Variants in FGF14 observed in about 807,000 individuals in gnomAD.
FGF14 encodes the protein fibroblast growth factor 14, also known as fibroblast growth factor homologous factor 4.
In FGF14, 5 loss-of-function variants were observed where a neutral mutation model predicts 25.5. That is an observed-to-expected ratio of 0.20 (90% confidence interval 0.10 to 0.41). The LOEUF is 0.41. Ranked by LOEUF, FGF14 falls within the 10% of genes least tolerant of loss-of-function variation. The pLI is 1.00. For missense variants in FGF14, 222 were observed against 320.1 expected (o/e 0.69, Z 2.34); for synonymous variants, 138 against 118.3 (o/e 1.17, Z -1.08).
At chr13:101,725,023 T>C (rs981886581) in intron 4 of FGF14, among the ~76,000 whole-genome samples, 1 of 151,982 alleles carries the variant, frequency 6.6e-6, no homozygotes, top group Non-Finnish European at 1.5e-5. Context: ...TTACCTCGGT[T>C]AAATGACATA....
chr13:101,984,150 G>T (rs1386801845), intron 1 of FGF14, among the ~76,000 whole-genome samples: 1 of 152,112 alleles, frequency 6.6e-6, no homozygotes, highest in Non-Finnish European at 1.5e-5. Flanking sequence ...AACTGCTATG[G>T]AATATGCGCT....
chr13:102,116,662 G>C (rs1338383938), intron 1 of FGF14, among the ~76,000 whole-genome samples: 1 of 152,120 alleles, frequency 6.6e-6, no homozygotes, highest in African/African-American at 2.4e-5. Flanking sequence ...CCAGGAACAG[G>C]GGCATGAGGG....
chr13:102,279,701 C>A (rs575961917), intron 1 of FGF14, among the ~76,000 whole-genome samples: 1 of 152,178 alleles, frequency 6.6e-6, no homozygotes, highest in Non-Finnish European at 1.5e-5. Flanking sequence ...GCTTTACTCC[C>A]CTTAAAAAAA....
chr13:102,183,194 A>T (rs1360371619), intron 1 of FGF14, among the ~76,000 whole-genome samples: 1 of 151,960 alleles, frequency 6.6e-6, no homozygotes, highest in African/African-American at 2.4e-5. Flanking sequence ...ATTTGCCTAT[A>T]AAAAAAAGAC....
At chr13:101,890,262 ACTTT>A (rs955856691) in intron 1 of FGF14, among the ~76,000 whole-genome samples, 3 of 152,022 alleles carry the variant, frequency 2.0e-5, no homozygotes, top group Admixed American at 6.6e-5. Context: ...TTGTCTCATG[ACTTT>A]CTTTCTTTCT....
chr13:101,961,402 A>G (rs763797071), intron 1 of FGF14, among the ~76,000 whole-genome samples: 1 of 152,200 alleles, frequency 6.6e-6, no homozygotes, highest in African/African-American at 2.4e-5. Context: ...AATTTTCTGC[A>G]AAAGTCTAGT....
chr13:102,143,515 T>A (rs2046732509), intron 1 of FGF14, among the ~76,000 whole-genome samples: 1 of 152,172 alleles, frequency 6.6e-6, no homozygotes, highest in Non-Finnish European at 1.5e-5. Context: ...ACTAAAATAT[T>A]GCCAATTCAT....
intron 3 of FGF14, among the ~76,000 whole-genome samples, chr13:101,748,230 A>G (rs774157018): frequency 3.9e-5 from 6 of 152,070 alleles, no homozygotes; most frequent in Non-Finnish European, 8.8e-5. Context: ...AGTGTCCATC[A>G]ACAGATGATT....
Position 102,132,900 on chromosome 13 carries a change from G to A in FGF14, c.209-257604C>T, listed in dbSNP as rs139050655. Among the ~76,000 whole-genome samples the A allele has an allele frequency of 4.5e-3, 679 of 152,290 alleles. 4 individuals carry two copies. The highest frequency in any genetic ancestry group is 0.016 in the African/African-American group (653 of 41,562). On this transcript the variant is annotated intron_variant, in intron 1 of 4. Transcript: ENST00000376131. The stretch of plus-strand genomic sequence containing the variant: ...CCAAAAGTGAGCAATGAAACAGTGA[G>A]CGGAGTTGTTAAAAAGATTTTCAGG...
intron 1 of FGF14, among the ~76,000 whole-genome samples, chr13:101,881,331 G>T (rs1241156053): frequency 2.6e-5 from 4 of 152,088 alleles, no homozygotes. Flanking sequence ...AAACACATTG[G>T]AGCTCTCATG....
chr13:101,812,946 C>T (rs1227111638), intron 3 of FGF14, among the ~76,000 whole-genome samples: 4 of 151,962 alleles, frequency 2.6e-5, no homozygotes, highest in Admixed American at 6.6e-5. Flanking sequence ...GGATTAGAGG[C>T]GTGAGCCACC....
intron 1 of FGF14, among the ~76,000 whole-genome samples, chr13:102,165,712 C>T (rs1019285233): frequency 4.1e-5 from 6 of 147,748 alleles, no homozygotes; most frequent in African/African-American, 1.5e-4. Flanking sequence ...ATACCTAATG[C>T]TAAATGACGA....
intron 1 of FGF14, among the ~76,000 whole-genome samples, chr13:102,229,975 T>C (rs760101696): frequency 2.0e-4 from 31 of 152,350 alleles, no homozygotes; most frequent in Middle Eastern, 3.4e-3. Flanking sequence ...GTCACTGATA[T>C]ACTGCTGTGG....
intron 1 of FGF14, among the ~76,000 whole-genome samples, chr13:102,236,949 T>C (rs1377590128): frequency 1.3e-5 from 2 of 151,314 alleles, no homozygotes; most frequent in East Asian, 2.0e-4. Flanking sequence ...GGCGCTGGAG[T>C]GCTGAGAGTT....
intron 1 of FGF14, among the ~76,000 whole-genome samples, chr13:101,946,569 T>C (rs2035822708): frequency 6.6e-6 from 1 of 152,190 alleles, no homozygotes. Flanking sequence ...TTCTGGTCTG[T>C]CCATTTCCCT....
At chr13:101,813,638 T>C (rs2041689917) in intron 3 of FGF14, among the ~76,000 whole-genome samples, 2 of 152,298 alleles carry the variant, frequency 1.3e-5, no homozygotes, top group East Asian at 1.9e-4. Context: ...CCATTTACAA[T>C]GCCCTTGCTA....
At chr13:102,157,585 G>A (rs1325464421) in intron 1 of FGF14, among the ~76,000 whole-genome samples, 1 of 152,106 alleles carries the variant, frequency 6.6e-6, no homozygotes, top group Non-Finnish European at 1.5e-5. Flanking sequence ...TACCATTCAG[G>A]ACATAGGCAT....
At chr13:102,112,926 T>A (rs1053621220) in intron 1 of FGF14, among the ~76,000 whole-genome samples, 6 of 152,168 alleles carry the variant, frequency 3.9e-5, no homozygotes, top group Admixed American at 3.9e-4. Context: ...ATTGGGGACA[T>A]AATGCACTCT....
intron 1 of FGF14, among the ~76,000 whole-genome samples, chr13:102,159,144 AAAAAAAAAAAAAAG>A (rs1741424383): frequency 1.3e-5 from 2 of 149,190 alleles, no homozygotes; most frequent in South Asian, 4.2e-4. Flanking sequence ...TGTCTCAAAA[AAAAAAAAAAAAAAG>A]AAAAGAAAAG....
Sources: gnomAD v4.1 joint callset for allele counts (sites outside exome capture counted in the v4.1 genomes callset) on GRCh38, gnomAD v4.1.1 for gene constraint, MANE v1.5 for transcripts, NCBI Gene and HGNC (gene_info 2026-07-23, HGNC 2026-07-21) for gene names.